ROR2: variants seen among roughly 807,000 people sequenced by gnomAD.
ROR2 encodes the protein tyrosine-protein kinase transmembrane receptor ROR2.
ROR2 carries 33 observed loss-of-function variants against 74.9 expected under a neutral mutation model. That is an observed-to-expected ratio of 0.44 (90% CI 0.33 to 0.59). The LOEUF (loss-of-function observed/expected upper bound fraction) is 0.59. Ranked by LOEUF, ROR2 falls within the 20% of genes least tolerant of loss-of-function variation. The pLI is 0.02. For synonymous variants in ROR2, 586 were observed against 558.7 expected (o/e 1.05, Z -0.69); for missense variants, 1,216 against 1,313.8 (o/e 0.93, Z 1.15).
Position 91,883,724 on chromosome 9 carries a change from G to T in ROR2, c.97+66143C>A, listed in dbSNP as rs765317737. ...CAGAACCCTCTCTCACTCCAAACAA[G>T]AAACACACCCCACCCACTGTACTAC... On this transcript the variant is annotated intron_variant, in intron 1 of 8. Transcript: ENST00000375708. Among the ~76,000 whole-genome samples the T allele has an allele frequency of 1.0e-3, 154 of 152,302 alleles. 1 individual carries two copies. Among genetic ancestry groups the T allele is most frequent in the Non-Finnish European group, 1.1e-3 (78 of 68,014 alleles).
At chr9:91,947,027 A>T (rs1832029503) in intron 1 of ROR2, among the ~76,000 whole-genome samples, 1 of 152,238 alleles carries the variant, frequency 6.6e-6, no homozygotes, top group East Asian at 1.9e-4. Flanking sequence ...AACCACACTT[A>T]AGAGAGAGAC....
At chr9:91,741,456 C>T (rs998286942) in intron 4 of ROR2, among the ~76,000 whole-genome samples, 3 of 151,580 alleles carry the variant, frequency 2.0e-5, no homozygotes, top group Non-Finnish European at 4.4e-5. Flanking sequence ...CCAAGACTGG[C>T]AAGATGGTGG....
intron 1 of ROR2, among the ~76,000 whole-genome samples, chr9:91,947,945 G>T (rs1430095827): frequency 6.6e-6 from 1 of 151,434 alleles, no homozygotes; most frequent in Non-Finnish European, 1.5e-5. Context: ...TAGCCATACA[G>T]AACGAAGAGA....
At chr9:91,726,864 G>C in intron 7 of ROR2, 121 bp from the exon 8 acceptor site, 4 of 894,766 alleles carry the variant, frequency 4.5e-6, no homozygotes, top group Non-Finnish European at 7.2e-6. Flanking sequence ...CATCACCTAA[G>C]TTACACAATG....
At chr9:91,818,730 T>C (rs1207946792) in intron 1 of ROR2, among the ~76,000 whole-genome samples, 1 of 152,126 alleles carries the variant, frequency 6.6e-6, no homozygotes. Flanking sequence ...CAGGGGGTCT[T>C]AGCGACTGCC....
intron 1 of ROR2, among the ~76,000 whole-genome samples, chr9:91,843,755 C>T (rs1828849402): frequency 6.6e-6 from 1 of 152,262 alleles, no homozygotes; most frequent in African/African-American, 2.4e-5. Flanking sequence ...GCACCACCCC[C>T]GGCTCCAGAG....
intron 2 of ROR2, among the ~76,000 whole-genome samples, chr9:91,765,552 T>C (rs545281966): frequency 2.0e-5 from 3 of 152,232 alleles, no homozygotes; most frequent in African/African-American, 7.2e-5. Context: ...ATGCTGGTAA[T>C]GTAAATCTGG....
At chr9:91,789,741 A>C (rs1161716498) in intron 1 of ROR2, among the ~76,000 whole-genome samples, 1 of 152,228 alleles carries the variant, frequency 6.6e-6, no homozygotes, top group Non-Finnish European at 1.5e-5. Flanking sequence ...ATCTAATGCA[A>C]ACAAGGGCAG....
At chr9:91,892,183 A>G (rs756436669) in intron 1 of ROR2, among the ~76,000 whole-genome samples, 1 of 152,154 alleles carries the variant, frequency 6.6e-6, no homozygotes, top group Non-Finnish European at 1.5e-5. Flanking sequence ...TGGCCAGATA[A>G]TCTCCCTTTC....
chr9:91,730,645 G>A (rs1344119095), intron 7 of ROR2, among the ~76,000 whole-genome samples: 1 of 151,992 alleles, frequency 6.6e-6, no homozygotes, highest in African/African-American at 2.4e-5. Context: ...ATTTTTATGG[G>A]GTTTCACCAT....
At chr9:91,783,607 C>T (rs947079345) in intron 1 of ROR2, among the ~76,000 whole-genome samples, 1 of 152,216 alleles carries the variant, frequency 6.6e-6, no homozygotes, top group Non-Finnish European at 1.5e-5. Context: ...TCAGCTGCAG[C>T]TGCAGCCCCG....
At position 91,753,902 on chromosome 9, in the gene ROR2, T is replaced by C. The variant is rs375776742; in HGVS notation, c.494+2169A>G. Among the ~76,000 whole-genome samples the C allele has an allele frequency of 4.1e-4, 62 of 152,358 alleles. 1 individual carries two copies. The East Asian group carries it at 0.011, about 27-fold the overall frequency. ...CACTCCAGAAATTTCTCATCAATAG[T>C]GTATAGGTAAGCATATTTCTTCATT... On this transcript the variant is annotated intron_variant, in intron 4 of 8. Coordinates refer to ENST00000375708, the MANE Select transcript of ROR2 (RefSeq NM_004560.4).
In ROR2 at chr9:91,850,856, G is replaced by A. The variant is rs554731311; in HGVS notation, c.98-75038C>T. Among the ~76,000 whole-genome samples, 81 of 152,194 alleles carry A rather than the reference G, an allele frequency of 5.3e-4. 1 individual carries two copies. In the South Asian group the frequency reaches 9.8e-3, roughly 18 times the overall value. ...ACCAATTATTTCTATTACAGTTCTT[G>A]TTGACTTATTAAGAACGATTTTCCT... is the stretch of plus-strand genomic sequence containing the variant. On this transcript the variant is annotated intron_variant, in intron 1 of 8. Coordinates refer to ENST00000375708, the MANE Select transcript of ROR2 (RefSeq NM_004560.4).
intron 1 of ROR2, among the ~76,000 whole-genome samples, chr9:91,830,614 A>T (rs1371715388): frequency 6.6e-6 from 1 of 152,212 alleles, no homozygotes; most frequent in Admixed American, 6.5e-5. Flanking sequence ...AGCCTCCCCA[A>T]ACTGGGTATA....
chr9:91,821,426 T>C (rs1253513805), intron 1 of ROR2, among the ~76,000 whole-genome samples: 2 of 152,232 alleles, frequency 1.3e-5, no homozygotes. Flanking sequence ...ACCATTCTGC[T>C]GTCTGTACCC....
chr9:91,768,624 T>C (rs904822332), intron 2 of ROR2, among the ~76,000 whole-genome samples: 6 of 152,118 alleles, frequency 3.9e-5, no homozygotes, highest in Middle Eastern at 3.2e-3. Context: ...TGGGCGCAGG[T>C]TGTCAGAACG....
intron 1 of ROR2, among the ~76,000 whole-genome samples, chr9:91,947,284 C>G (rs1197473355): frequency 2.0e-5 from 3 of 152,172 alleles, no homozygotes; most frequent in Non-Finnish European, 2.9e-5. Flanking sequence ...AGAGCCCTCT[C>G]AGTTACACTG....
intron 4 of ROR2, among the ~76,000 whole-genome samples, chr9:91,743,089 A>C (rs1396169581): frequency 6.6e-6 from 1 of 152,198 alleles, no homozygotes; most frequent in African/African-American, 2.4e-5. Flanking sequence ...CTACAAGGAG[A>C]AAATCACTAA....
chr9:91,829,421 G>A (rs1828391019), intron 1 of ROR2, among the ~76,000 whole-genome samples: 3 of 152,052 alleles, frequency 2.0e-5, no homozygotes, highest in African/African-American at 7.2e-5. Context: ...ATGGTGGCAT[G>A]CAACTGTAAT....
Sources: allele counts gnomAD v4.1 joint callset (sites outside exome capture counted in the v4.1 genomes callset), GRCh38; gene constraint gnomAD v4.1.1; transcripts MANE v1.5; gene names NCBI Gene and HGNC (gene_info 2026-07-23, HGNC 2026-07-21).